The following PRAMEF4 variants were observed in gnomAD, a reference collection of about 807,000 sequenced individuals.
The protein encoded by PRAMEF4 is PRAME family member 4, also known as RP5-845O24.6.
A neutral mutation model predicts 34.4 loss-of-function variants in PRAMEF4; 18 were observed. The observed-to-expected ratio is 0.52, with a 90% CI of 0.36 to 0.78. The LOEUF is 0.78. Ranked by LOEUF, PRAMEF4 falls within the 30% of genes least tolerant of loss-of-function variation. The pLI is 0.00. For synonymous variants in PRAMEF4, 156 were observed against 219.3 expected (o/e 0.71, Z 2.55); for missense variants, 482 against 569.1 (o/e 0.85, Z 1.56).
Position 12,883,323 on chromosome 1 carries a change from A to G in PRAMEF4, c.72T>C (p.Ala24=), listed in dbSNP as rs200635034. ...LAGRSLLRDQ[A]LAMSTLEELP... ...GCTCCTCCAGGGTGGACATGGCCAA[A>G]GCTTGGTCCCTTAGCAGGCTCCGCC... The change falls in exon 2 of 4, where the codon GCT becomes GCC. Residue 24 remains alanine, a synonymous_variant. Transcript: ENST00000235349. 4,607 of 1,593,228 alleles carry G rather than the reference A, an allele frequency of 2.9e-3. 358 individuals are homozygous for G. Among genetic ancestry groups the G allele is most frequent in the East Asian group, 1.8e-3 (78 of 43,792 alleles).
At chr1:12,885,490 G>A (rs536017574) in intron 1 of PRAMEF4, among the ~76,000 whole-genome samples, 2 of 149,450 alleles carry the variant, frequency 1.3e-5, no homozygotes, top group East Asian at 3.9e-4. Context: ...CACCCAAATA[G>A]CTGGGACTAC....
chr1:12,881,540 T>A (rs1213972188), intron 3 of PRAMEF4, among the ~76,000 whole-genome samples: 12 of 147,242 alleles, frequency 8.1e-5, no homozygotes, highest in Non-Finnish European at 1.2e-4. Context: ...GTATTTTTCA[T>A]CATCTTAACT....
chr1:12,881,012 G>C lies in PRAMEF4; in HGVS notation c.875+842C>G, dbSNP rs1481249173. On this transcript the variant is annotated intron_variant, in intron 3 of 3. Transcript: ENST00000235349. ...CTGATTTTCTGACAAGTGCAGGTTT[G>C]CTGAACATTCCCCTCTTCAGTGCCC... is the stretch of plus-strand genomic sequence containing the variant. 4.7e-5 allele frequency among the ~76,000 whole-genome samples: 7 copies of C among 148,000 alleles called. 2 individuals are homozygous for C. The highest frequency in any genetic ancestry group is 8.9e-5 in the Non-Finnish European group (6 of 67,270).
In PRAMEF4 at chr1:12,883,001, A is replaced by G; in HGVS notation, c.293+101T>C. The stretch of plus-strand genomic sequence containing the variant: ...ATGGCCAAGTCCTCTCGGCTTCCTC[A>G]CCACCACCATCCCCCTTGGGCCTCC... On this transcript the variant is annotated intron_variant, in intron 2 of 3. Transcript: ENST00000235349. The G allele has an allele frequency of 5.2e-6, 8 of 1,524,724 alleles. No homozygotes were observed. The South Asian group carries it at 9.4e-5, about 18-fold the overall frequency. The allele number at this position is 1,524,724 out of a possible 1,614,324, so 94.4% of individuals were successfully genotyped here.
intron 1 of PRAMEF4, 63 bp from the exon 2 acceptor site, chr1:12,883,473 C>G (rs3121078): frequency 1.3e-6 from 2 of 1,589,540 alleles, no homozygotes; most frequent in Admixed American, 3.6e-5. Flanking sequence ...CAATCTCATC[C>G]TCTCCTATGG....
intron 1 of PRAMEF4, among the ~76,000 whole-genome samples, chr1:12,885,016 A>G (rs573906978): frequency 2.0e-5 from 3 of 150,608 alleles, no homozygotes; most frequent in East Asian, 1.9e-4. Context: ...CCTTGGCCAC[A>G]TCAAATTTAT....
chr1:12,879,316 TC>T lies in PRAMEF4; in HGVS notation c.*227del, dbSNP rs1366406531. 1 of 696,930 alleles carries T rather than the reference TC, an allele frequency of 1.4e-6. No homozygotes were observed. Among genetic ancestry groups the T allele is most frequent in the Admixed American group, 3.3e-5 (1 of 30,428 alleles). 43.2% of individuals were successfully genotyped at this position (696,930 alleles called of 1,614,324 possible). On this transcript the variant is annotated 3_prime_UTR_variant, in exon 4 of 4. Coordinates refer to ENST00000235349, the MANE Select transcript of PRAMEF4 (RefSeq NM_001009611.4). ...TGAATTCCACTCTAGACATTCAGAT[TC>T]CCATTTTCGACTCTACAGGACACAG...
At chr1:12,885,627 A>G (rs1313503201) in intron 1 of PRAMEF4, among the ~76,000 whole-genome samples, 2 of 145,904 alleles carry the variant, frequency 1.4e-5, no homozygotes, top group East Asian at 2.0e-4. Context: ...CTAAAAATAC[A>G]AAAGTTAGCC....
At chr1:12,880,349 G>A (rs1640864365) in intron 3 of PRAMEF4, among the ~76,000 whole-genome samples, 1 of 150,590 alleles carries the variant, frequency 6.6e-6, no homozygotes, top group African/African-American at 2.5e-5. Flanking sequence ...GCTGAGACTG[G>A]TGGATTCCTT....
intron 1 of PRAMEF4, among the ~76,000 whole-genome samples, chr1:12,884,545 A>C (rs2797718): frequency 0.12 from 15,682 of 133,858 alleles, 1,280 homozygotes; most frequent in East Asian, 0.17. Context: ...TAAAACCCTG[A>C]CTCTACTAAG....
rs1224093224 is a variant in PRAMEF4 at position 12,883,389 on chromosome 1, C to T, written c.6G>A (p.Lys2=). 1 of 1,601,508 alleles carries T rather than the reference C, an allele frequency of 6.2e-7. No individual in the cohort carries two copies. The highest frequency in any genetic ancestry group is 1.4e-5 in the African/African-American group (1 of 73,736). The change falls in exon 2 of 4, where the codon AAG becomes AAA. Residue 2 remains lysine, a synonymous_variant. Coordinates refer to ENST00000235349, the MANE Select transcript of PRAMEF4 (RefSeq NM_001009611.4). M[K]MSIWTPPRLL... The stretch of plus-strand genomic sequence containing the variant: ...GTCTGGGTGGAGTCCAGATGCTCAT[C>T]TTCATGAATCTGCAGGGAAAACTTC...
intron 3 of PRAMEF4, among the ~76,000 whole-genome samples, chr1:12,880,563 G>A (rs1267704367): frequency 6.7e-6 from 1 of 148,838 alleles, no homozygotes; most frequent in Non-Finnish European, 1.5e-5. Context: ...GTGACAGAGA[G>A]AGACTCTGTA....
In PRAMEF4 at chr1:12,883,337, G is replaced by C. The variant is rs773480522; in HGVS notation, c.58C>G (p.Leu20Val). 2 of 1,600,446 alleles carry C rather than the reference G, an allele frequency of 1.2e-6. No homozygotes were observed. The highest frequency in any genetic ancestry group is 1.4e-5 in the African/African-American group (1 of 73,340). ...GACATGGCCAAAGCTTGGTCCCTTA[G>C]CAGGCTCCGCCCTGCAAGCTCCAGG... The part of the protein sequence containing the change: ...RLLELAGRSL[L>V]RDQALAMSTL... Residue 20 changes from leucine to valine, a missense_variant, in exon 2 of 4, where the codon CTA becomes GTA. By Grantham distance (32) the Leu-to-Val change is conservative. Coordinates refer to ENST00000235349, the MANE Select transcript of PRAMEF4 (RefSeq NM_001009611.4).
At position 12,883,320 on chromosome 1, in the gene PRAMEF4, C is replaced by T. The variant is rs1199868565; in HGVS notation, c.75G>A (p.Leu25=). The T allele has an allele frequency of 3.1e-6, 5 of 1,599,994 alleles. No individual in the cohort carries two copies. The highest frequency in any genetic ancestry group is 1.4e-5 in the African/African-American group (1 of 73,010). Residue 25 remains leucine (L), a synonymous_variant, in exon 2 of 4, where the codon TTG becomes TTA. Coordinates refer to ENST00000235349, the MANE Select transcript of PRAMEF4 (RefSeq NM_001009611.4). The part of the protein sequence containing the change: ...AGRSLLRDQA[L]AMSTLEELPT... ...GCAGCTCCTCCAGGGTGGACATGGC[C>T]AAAGCTTGGTCCCTTAGCAGGCTCC...
Position 12,884,757 on chromosome 1 carries a change from C to T in PRAMEF4, c.-16-1347G>A, listed in dbSNP as rs1471530371. 9.4e-5 allele frequency among the ~76,000 whole-genome samples: 14 copies of T among 149,204 alleles called. 1 individual carries two copies. The South Asian group carries it at 3.0e-3, about 32-fold the overall frequency. The stretch of plus-strand genomic sequence containing the variant: ...TTTGACTAGACTTCTTAATCTCTAC[C>T]CAGTTAATCCTTATTGGATTTTTGG... On this transcript the variant is annotated intron_variant, in intron 1 of 3. Coordinates refer to ENST00000235349, the MANE Select transcript of PRAMEF4 (RefSeq NM_001009611.4).
At position 12,883,030 on chromosome 1, in the gene PRAMEF4, C is replaced by T. The variant is rs191931882; in HGVS notation, c.293+72G>A. On this transcript the variant is annotated intron_variant, in intron 2 of 3. Coordinates refer to ENST00000235349, the MANE Select transcript of PRAMEF4 (RefSeq NM_001009611.4). ...CCACCATCCCCCTTGGGCCTCCTCA[C>T]TTCTCACGACCCAGCTGTTCCTTCA... The T allele has an allele frequency of 9.8e-5, 154 of 1,576,066 alleles. 7 individuals are homozygous for T. The Middle Eastern group carries it at 1.1e-3, about 12-fold the overall frequency.
intron 2 of PRAMEF4, among the ~76,000 whole-genome samples, chr1:12,882,683 C>T (rs781127010): frequency 2.0e-5 from 3 of 147,794 alleles, no homozygotes; most frequent in South Asian, 2.2e-4. Context: ...CTCTGCTTCC[C>T]AGATTCAAAT....
In PRAMEF4 at chr1:12,881,712, C is replaced by T. The variant is rs542398775; in HGVS notation, c.875+142G>A. The T allele has an allele frequency of 2.7e-4, 370 of 1,390,748 alleles. 35 individuals carry two copies. The highest frequency in any genetic ancestry group is 7.5e-4 in the Admixed American group (36 of 48,008). The allele number at this position is 1,390,748 out of a possible 1,614,324, so 86.2% of individuals were successfully genotyped here. ...CATGATACCCATTTCAGGACAGGGC[C>T]GCCCACAGGACAATGCATGGACATT... On this transcript the variant is annotated intron_variant, in intron 3 of 3. Transcript: ENST00000235349.
At chr1:12,883,456 G>C (rs115845904) in intron 1 of PRAMEF4, 46 bp from the exon 2 acceptor site, 11 of 1,597,378 alleles carry the variant, frequency 6.9e-6, no homozygotes, top group Non-Finnish European at 6.0e-6. Flanking sequence ...CTCGGGCCAA[G>C]CCCATGCAAT....
Sources: allele counts gnomAD v4.1 joint callset (sites outside exome capture counted in the v4.1 genomes callset), GRCh38; gene constraint gnomAD v4.1.1; transcripts MANE v1.5; gene names NCBI Gene and HGNC (gene_info 2026-07-23, HGNC 2026-07-21).